SGCZ: variants seen among roughly 807,000 people sequenced by gnomAD.
SGCZ encodes sarcoglycan zeta.
In SGCZ, 40 loss-of-function variants were observed where a neutral mutation model predicts 41.3. The observed-to-expected ratio is 0.97, with a 90% confidence interval of 0.75 to 1.26. SGCZ has a LOEUF of 1.26. SGCZ is among the 50% of genes most tolerant of loss of function. The pLI, the probability that SGCZ is intolerant of heterozygous loss-of-function variation, is 0.00. For synonymous variants in SGCZ, 206 were observed against 137.5 expected (o/e 1.50, Z -3.49); for missense variants, 552 against 369.8 (o/e 1.49, Z -4.04).
At position 14,424,302 on chromosome 8, in the gene SGCZ, G is replaced by T. The variant is rs538406973; in HGVS notation, c.235-100098C>A. On this transcript the variant is annotated intron_variant, in intron 2 of 7. Coordinates refer to ENST00000382080, the MANE Select transcript of SGCZ (RefSeq NM_139167.4). The stretch of plus-strand genomic sequence containing the variant: ...AGTTTTTCTCATTATAATAATGAAG[G>T]TCATACTTGTACAATACTCAAGTAT... Among the ~76,000 whole-genome samples the T allele has an allele frequency of 4.6e-5, 7 of 152,134 alleles. 1 individual carries two copies. In the South Asian group the frequency reaches 1.5e-3, roughly 32 times the overall value.
chr8:15,135,149 T>C (rs1808059109), intron 1 of SGCZ, among the ~76,000 whole-genome samples: 1 of 152,206 alleles, frequency 6.6e-6, no homozygotes, highest in East Asian at 1.9e-4. Flanking sequence ...CCTTTCTAAA[T>C]TATAGATAAA....
At chr8:14,371,189 G>A (rs1803897085) in intron 2 of SGCZ, among the ~76,000 whole-genome samples, 1 of 151,894 alleles carries the variant, frequency 6.6e-6, no homozygotes, top group Non-Finnish European at 1.5e-5. Context: ...AGTAAACTCT[G>A]CCTTCAAAGA....
At chr8:14,368,747 A>G (rs1585414378) in intron 2 of SGCZ, among the ~76,000 whole-genome samples, 1 of 152,046 alleles carries the variant, frequency 6.6e-6, no homozygotes, top group East Asian at 1.9e-4. Flanking sequence ...TCTTCTGAGC[A>G]CTGTGTTGGC....
At chr8:14,363,622 A>T (rs1803603233) in intron 2 of SGCZ, among the ~76,000 whole-genome samples, 2 of 152,084 alleles carry the variant, frequency 1.3e-5, no homozygotes, top group Non-Finnish European at 2.9e-5. Context: ...TCATTATAAC[A>T]ACTGGCTAAG....
chr8:14,350,534 A>G (rs1393734660), intron 2 of SGCZ, among the ~76,000 whole-genome samples: 2 of 152,058 alleles, frequency 1.3e-5, no homozygotes, highest in Non-Finnish European at 2.9e-5. Context: ...TGAAGATGTG[A>G]TACCCCATCT....
At chr8:14,730,594 G>A (rs934313181) in intron 1 of SGCZ, among the ~76,000 whole-genome samples, 2 of 148,762 alleles carry the variant, frequency 1.3e-5, no homozygotes, top group African/African-American at 5.0e-5. Flanking sequence ...TATTTGATCT[G>A]CTAACATCAG....
chr8:15,015,190 C>T (rs1040271860), intron 1 of SGCZ, among the ~76,000 whole-genome samples: 28 of 151,888 alleles, frequency 1.8e-4, no homozygotes, highest in Non-Finnish European at 3.4e-4. Flanking sequence ...CTGCAGTGAG[C>T]CAAGATCACG....
At chr8:14,569,134 T>A (rs1410709392) in intron 1 of SGCZ, among the ~76,000 whole-genome samples, 1 of 152,196 alleles carries the variant, frequency 6.6e-6, no homozygotes, top group African/African-American at 2.4e-5. Context: ...AATACTACTG[T>A]AAATTAGGAG....
chr8:14,907,180 C>T (rs1412568592), intron 1 of SGCZ, among the ~76,000 whole-genome samples: 1 of 152,010 alleles, frequency 6.6e-6, no homozygotes, highest in African/African-American at 2.4e-5. Context: ...CAATGGGTTT[C>T]ATATGTTTTA....
chr8:14,110,137 T>G (rs1034455382), intron 5 of SGCZ, among the ~76,000 whole-genome samples: 27 of 152,134 alleles, frequency 1.8e-4, no homozygotes, highest in African/African-American at 6.3e-4. Context: ...AACAGTAGTT[T>G]GAGGTAACAC....
intron 1 of SGCZ, among the ~76,000 whole-genome samples, chr8:14,783,727 CT>C (rs1800662256): frequency 6.6e-6 from 1 of 151,946 alleles, no homozygotes; most frequent in African/African-American, 2.4e-5. Flanking sequence ...GTTTGTTTTT[CT>C]ATCTGGGATA....
chr8:15,209,040 G>A (rs1276484562), intron 1 of SGCZ, among the ~76,000 whole-genome samples: 3 of 151,868 alleles, frequency 2.0e-5, no homozygotes, highest in Non-Finnish European at 4.4e-5. Context: ...TCCTAGACTT[G>A]GAGTTCTAAG....
At chr8:14,492,058 A>C (rs1801857573) in intron 2 of SGCZ, among the ~76,000 whole-genome samples, 1 of 152,216 alleles carries the variant, frequency 6.6e-6, no homozygotes, top group Non-Finnish European at 1.5e-5. Flanking sequence ...TTGAGAATAA[A>C]AAACGAGAAA....
chr8:14,795,570 G>A (rs1205788591), intron 1 of SGCZ, among the ~76,000 whole-genome samples: 2 of 152,128 alleles, frequency 1.3e-5, no homozygotes, highest in Non-Finnish European at 2.9e-5. Context: ...AGCCTCCCAT[G>A]TAACTAGCAC....
intron 3 of SGCZ, among the ~76,000 whole-genome samples, chr8:14,254,065 C>T (rs1294393022): frequency 4.6e-5 from 7 of 152,096 alleles, no homozygotes; most frequent in Non-Finnish European, 8.8e-5. Flanking sequence ...CAACCTTAAA[C>T]ACAGTCTTAA....
In SGCZ at chr8:14,212,294, G is replaced by T. The variant is rs73528745; in HGVS notation, c.424+25298C>A. ...AAGGCTAGTGAAAAACCTACCAGGG[G>T]AGCAACTCTCTTTCCTATGGCCACG... On this transcript the variant is annotated intron_variant, in intron 4 of 7. Coordinates refer to ENST00000382080, the MANE Select transcript of SGCZ (RefSeq NM_139167.4). 7.5e-3 allele frequency among the ~76,000 whole-genome samples: 1,135 copies of T among 152,070 alleles called. 12 individuals are homozygous for T. The highest frequency in any genetic ancestry group is 0.026 in the African/African-American group (1,088 of 41,476).
intron 3 of SGCZ, among the ~76,000 whole-genome samples, chr8:14,258,165 A>G (rs1228751735): frequency 6.6e-6 from 1 of 152,210 alleles, no homozygotes; most frequent in Non-Finnish European, 1.5e-5. Flanking sequence ...AAGAGAATAT[A>G]GATACTAAAC....
chr8:15,151,989 G>A (rs1172221850), intron 1 of SGCZ, among the ~76,000 whole-genome samples: 3 of 152,192 alleles, frequency 2.0e-5, no homozygotes, highest in Non-Finnish European at 2.9e-5. Flanking sequence ...TGATTCAACA[G>A]CCTTTAAAAC....
intron 1 of SGCZ, among the ~76,000 whole-genome samples, chr8:14,705,043 A>T (rs981863490): frequency 7.2e-5 from 11 of 151,996 alleles, no homozygotes; most frequent in Non-Finnish European, 1.2e-4. Flanking sequence ...ACAGATTTTT[A>T]TTGTTAATTT....
Sources: allele counts gnomAD v4.1 joint callset (sites outside exome capture counted in the v4.1 genomes callset), GRCh38; gene constraint gnomAD v4.1.1; transcripts MANE v1.5; gene names NCBI Gene and HGNC (gene_info 2026-07-23, HGNC 2026-07-21).